Variants in PRTFDC1 observed in about 807,000 individuals in gnomAD.
PRTFDC1 encodes the protein phosphoribosyltransferase domain-containing protein 1.
In PRTFDC1, 38 loss-of-function variants were observed where a neutral mutation model predicts 34.6. The observed-to-expected ratio is 1.10, with a 90% CI of 0.85 to 1.44. The LOEUF (loss-of-function observed/expected upper bound fraction) is 1.44. PRTFDC1 is among the 40% of genes most tolerant of loss of function. PRTFDC1 has a pLI of 0.00. For synonymous variants in PRTFDC1, 93 were observed against 98.1 expected (o/e 0.95, Z 0.31); for missense variants, 270 against 283.0 (o/e 0.95, Z 0.33).
At chr10:24,881,159 C>T (rs1165352607) in intron 3 of PRTFDC1, among the ~76,000 whole-genome samples, 1 of 151,766 alleles carries the variant, frequency 6.6e-6, no homozygotes, top group Non-Finnish European at 1.5e-5. Context: ...CCTCAAACTC[C>T]TGGCCTCAAG....
At chr10:24,852,230 G>T (rs1225705489) in intron 7 of PRTFDC1, among the ~76,000 whole-genome samples, 1 of 151,584 alleles carries the variant, frequency 6.6e-6, no homozygotes, top group Non-Finnish European at 1.5e-5. Context: ...TTGGCTTACT[G>T]CAGCCTCCAC....
chr10:24,852,593 G>A (rs1398590012), intron 7 of PRTFDC1, among the ~76,000 whole-genome samples: 4 of 152,178 alleles, frequency 2.6e-5, no homozygotes, highest in African/African-American at 9.6e-5. Context: ...ACTACGCCTG[G>A]CTAATACTTA....
At chr10:24,903,441 T>C (rs191887372) in intron 3 of PRTFDC1, among the ~76,000 whole-genome samples, 1 of 152,326 alleles carries the variant, frequency 6.6e-6, no homozygotes, top group East Asian at 1.9e-4. Context: ...TGGACACTTT[T>C]CTGAATGTAT....
chr10:24,864,346 C>T (rs1371184149), intron 4 of PRTFDC1, among the ~76,000 whole-genome samples: 1 of 152,146 alleles, frequency 6.6e-6, no homozygotes, highest in Non-Finnish European at 1.5e-5. Flanking sequence ...GGGTAAAATG[C>T]TATCAAACAG....
intron 3 of PRTFDC1, among the ~76,000 whole-genome samples, chr10:24,921,384 A>G (rs1026326305): frequency 6.6e-6 from 1 of 152,182 alleles, no homozygotes; most frequent in African/African-American, 2.4e-5. Flanking sequence ...AGAGGTCTAT[A>G]GGGCACCAAA....
At chr10:24,902,545 T>A (rs1198668078) in intron 3 of PRTFDC1, among the ~76,000 whole-genome samples, 2 of 152,138 alleles carry the variant, frequency 1.3e-5, no homozygotes, top group Non-Finnish European at 2.9e-5. Context: ...AAGACTAGAA[T>A]CTCCTCCTCA....
chr10:24,902,946 C>T (rs1333118131), intron 3 of PRTFDC1, among the ~76,000 whole-genome samples: 1 of 152,194 alleles, frequency 6.6e-6, no homozygotes, highest in African/African-American at 2.4e-5. Flanking sequence ...CCTGTAATCC[C>T]AGCACTTTGG....
intron 3 of PRTFDC1, among the ~76,000 whole-genome samples, chr10:24,927,249 AAG>A: frequency 6.6e-6 from 1 of 152,344 alleles, no homozygotes; most frequent in South Asian, 2.1e-4. Flanking sequence ...CCAAAAGTCA[AAG>A]AGAAAACAGG....
At chr10:24,922,523 G>A (rs1027783778) in intron 3 of PRTFDC1, among the ~76,000 whole-genome samples, 1 of 152,202 alleles carries the variant, frequency 6.6e-6, no homozygotes, top group Non-Finnish European at 1.5e-5. Flanking sequence ...CATGAGATCT[G>A]ATGGTTTTAT....
intron 4 of PRTFDC1, among the ~76,000 whole-genome samples, chr10:24,859,746 T>C (rs979157801): frequency 1.3e-5 from 2 of 152,210 alleles, no homozygotes; most frequent in East Asian, 1.9e-4. Context: ...AATTTCTTGT[T>C]TGATATCTGT....
At chr10:24,882,381 C>T (rs1029226061) in intron 3 of PRTFDC1, among the ~76,000 whole-genome samples, 2 of 151,968 alleles carry the variant, frequency 1.3e-5, no homozygotes, top group South Asian at 2.1e-4. Context: ...TAGCAATTGC[C>T]GATGGAATGA....
chr10:24,933,433 T>C (rs1374905720), intron 3 of PRTFDC1, among the ~76,000 whole-genome samples: 3 of 152,116 alleles, frequency 2.0e-5, no homozygotes, highest in Non-Finnish European at 4.4e-5. Flanking sequence ...ATGGGTAAGA[T>C]AGTTGAACAA....
intron 2 of PRTFDC1, 86 bp downstream of exon 2, chr10:24,942,244 T>A: frequency 9.1e-7 from 1 of 1,093,104 alleles, no homozygotes; most frequent in Admixed American, 1.8e-5. Context: ...AGCTCAGGAA[T>A]AGGGTCCTAA....
intron 1 of PRTFDC1, among the ~76,000 whole-genome samples, chr10:24,946,804 C>T (rs1226944243): frequency 2.0e-5 from 3 of 152,154 alleles, no homozygotes; most frequent in Non-Finnish European, 4.4e-5. Flanking sequence ...AAAGAAGTGC[C>T]TCAAACCTAT....
At chr10:24,921,752 T>C (rs1008882058) in intron 3 of PRTFDC1, among the ~76,000 whole-genome samples, 1 of 150,500 alleles carries the variant, frequency 6.6e-6, no homozygotes, top group African/African-American at 2.4e-5. Context: ...CAAAAAAATG[T>C]CAAAACTGTC....
intron 3 of PRTFDC1, among the ~76,000 whole-genome samples, chr10:24,935,224 TA>T (rs935084434): frequency 1.3e-5 from 2 of 151,902 alleles, no homozygotes; most frequent in East Asian, 1.9e-4. Context: ...TGACTTTAAT[TA>T]AAAAAAATGT....
At chr10:24,894,185 G>T (rs1848310646) in intron 3 of PRTFDC1, among the ~76,000 whole-genome samples, 1 of 152,102 alleles carries the variant, frequency 6.6e-6, no homozygotes, top group Non-Finnish European at 1.5e-5. Context: ...ACAAAAATTA[G>T]CTGGGCGTGG....
chr10:24,879,855 C>T (rs758649193), intron 3 of PRTFDC1, among the ~76,000 whole-genome samples: 20 of 152,108 alleles, frequency 1.3e-4, no homozygotes, highest in Admixed American at 2.6e-4. Context: ...TTTCAGTTTC[C>T]GGTTCATTTA....
chr10:24,895,049 C>T (rs1341269066), intron 3 of PRTFDC1, among the ~76,000 whole-genome samples: 2 of 152,134 alleles, frequency 1.3e-5, no homozygotes, highest in Non-Finnish European at 2.9e-5. Context: ...GGTTTGCCTA[C>T]GTCGTACCAG....
Sources: allele counts gnomAD v4.1 joint callset (sites outside exome capture counted in the v4.1 genomes callset), GRCh38; gene constraint gnomAD v4.1.1; transcripts MANE v1.5; gene names NCBI Gene and HGNC (gene_info 2026-07-23, HGNC 2026-07-21).